Variants in MFSD11 observed in about 807,000 individuals in gnomAD.
The protein encoded by MFSD11 is UNC93-like protein MFSD11.
A neutral mutation model predicts 53.5 loss-of-function variants in MFSD11; 36 were observed. The ratio of observed to expected loss-of-function variants is 0.67; its 90% CI spans 0.52 to 0.89. The LOEUF (loss-of-function observed/expected upper bound fraction) is 0.89, where lower values mean the gene tolerates loss of function less well. MFSD11 is among the 40% of genes least tolerant of loss of function. MFSD11 has a pLI of 0.00. For missense variants in MFSD11, 530 were observed against 543.9 expected (o/e 0.97, Z 0.25); for synonymous variants, 186 against 184.9 (o/e 1.01, Z -0.05).
downstream of MFSD11, among the ~76,000 whole-genome samples, chr17:76,783,486 C>G (rs573108763): frequency 3.3e-5 from 5 of 152,292 alleles, no homozygotes; most frequent in African/African-American, 9.6e-5. Flanking sequence ...GCTGCCCACA[C>G]AGGATTTCTT....
chr17:76,786,612 A>G, the MFSD11 span, among the ~76,000 whole-genome samples: 1 of 152,190 alleles, frequency 6.6e-6, no homozygotes, highest in Admixed American at 6.5e-5. Flanking sequence ...CCGAGGAGTC[A>G]CACAGAACAC....
chr17:76,786,963 C>T, the MFSD11 span, among the ~76,000 whole-genome samples: 1 of 151,932 alleles, frequency 6.6e-6, no homozygotes, highest in East Asian at 1.9e-4. Context: ...TTTACAGGCC[C>T]ACCACCATGC....
chr17:76,752,407 T>C (rs1278327817), intron 7 of MFSD11, among the ~76,000 whole-genome samples: 1 of 151,964 alleles, frequency 6.6e-6, no homozygotes, highest in Non-Finnish European at 1.5e-5. Flanking sequence ...ATTTTTTTTT[T>C]TTTTTTTGAG....
chr17:76,799,955 CTTTTT>C, the MFSD11 span, among the ~76,000 whole-genome samples: 1 of 138,862 alleles, frequency 7.2e-6, no homozygotes. Flanking sequence ...TTTCTTTTTC[CTTTTT>C]TTTTTTTTTT....
intron 8 of MFSD11, among the ~76,000 whole-genome samples, chr17:76,761,701 T>TCG (rs1426387351): frequency 1.8e-4 from 27 of 151,188 alleles, no homozygotes; most frequent in African/African-American, 6.6e-4. Flanking sequence ...GGCGGGCGGA[T>TCG]CATGAGGTCA....
At chr17:76,759,744 AC>A in intron 8 of MFSD11, among the ~76,000 whole-genome samples, 1 of 121,576 alleles carries the variant, frequency 8.2e-6, no homozygotes. Context: ...GGTGTGAGCC[AC>A]CGTGACCGGC....
chr17:76,787,751 G>C, the MFSD11 span, among the ~76,000 whole-genome samples: 1 of 148,676 alleles, frequency 6.7e-6, no homozygotes, highest in South Asian at 2.2e-4. Context: ...GGATGCTAGA[G>C]AAACCTCAAA....
chr17:76,747,435 A>G (rs2078654908), intron 7 of MFSD11, among the ~76,000 whole-genome samples: 1 of 152,048 alleles, frequency 6.6e-6, no homozygotes, highest in African/African-American at 2.4e-5. Flanking sequence ...CCCAGGTTCA[A>G]GTGATTCTTC....
chr17:76,738,489 A>G lies in MFSD11; in HGVS notation c.96+41A>G, dbSNP rs750217111. The G allele has an allele frequency of 2.6e-5, 36 of 1,398,514 alleles. 1 individual carries two copies. The South Asian group carries it at 3.4e-4, about 13-fold the overall frequency. The allele number at this position is 1,398,514 out of a possible 1,614,324, so 86.6% of individuals were successfully genotyped here. A position where few individuals can be genotyped will look rare whatever the true frequency, so the allele number is the denominator to read the frequency against. ...TCCTCCCTCCTTTGAAGTGCCCATC[A>G]TAATGCAGTCCAGAAATGAAAATAA... On this transcript the variant is annotated intron_variant, in intron 1 of 12. Transcript: ENST00000685175.
At chr17:76,762,095 T>C (rs2080314570) in intron 8 of MFSD11, among the ~76,000 whole-genome samples, 1 of 152,132 alleles carries the variant, frequency 6.6e-6, no homozygotes, top group African/African-American at 2.4e-5. Flanking sequence ...AGCCTCCTAA[T>C]GCAACCTCCC....
At chr17:76,762,849 A>G (rs1259960754) in intron 8 of MFSD11, among the ~76,000 whole-genome samples, 1 of 151,908 alleles carries the variant, frequency 6.6e-6, no homozygotes, top group Non-Finnish European at 1.5e-5. Context: ...TAAACAAGCT[A>G]TTTAGATAAA....
Position 76,743,430 on chromosome 17 carries a change from C to T in MFSD11, c.470C>T (p.Ala157Val), listed in dbSNP as rs1248263395. Residue 157 changes from alanine to valine, a missense_variant, in exon 6 of 13, where the codon GCC (alanine) becomes GTC (valine). Transcript: ENST00000685175. ...LFFGNLYIYF[A>V]WQGKTQISES... is the part of the protein sequence containing the mutation. The stretch of plus-strand genomic sequence containing the variant: ...TTTGGAAATCTCTACATATATTTTG[C>T]CTGGCAAGGGAAAACTCAGATATCA... 6.3e-7 allele frequency: 1 copy of T among 1,582,434 alleles called. No individual in the cohort carries two copies. The highest frequency in any genetic ancestry group is 1.2e-5 in the South Asian group (1 of 83,582).
chr17:76,740,917 CTT>C (rs529882256), intron 2 of MFSD11, 38 bp from the exon 3 acceptor site: 19,700 of 863,696 alleles, frequency 0.023, no homozygotes, highest in South Asian at 0.03. Flanking sequence ...GGGCTTTGTT[CTT>C]TTTTTTTTTT....
the MFSD11 span, among the ~76,000 whole-genome samples, chr17:76,788,613 A>G: frequency 6.7e-6 from 1 of 149,420 alleles, no homozygotes; most frequent in Non-Finnish European, 1.5e-5. Flanking sequence ...GCACTTTGGG[A>G]GGCCGAGGCA....
downstream of MFSD11, among the ~76,000 whole-genome samples, chr17:76,782,931 C>T (rs1161861008): frequency 6.6e-6 from 1 of 151,838 alleles, no homozygotes; most frequent in African/African-American, 2.4e-5. Context: ...ATAATCATAG[C>T]ACTTTGGGAG....
intron 8 of MFSD11, chr17:76,754,333 G>A (rs915620561): frequency 6.9e-6 from 3 of 435,160 alleles, no homozygotes; most frequent in African/African-American, 6.0e-5. Flanking sequence ...AGGCTGCATA[G>A]CACTCAGGTT....
At position 76,769,805 on chromosome 17, in the gene MFSD11, T is replaced by C. The variant is rs772022956; in HGVS notation, c.808T>C (p.Phe270Leu). Residue 270 changes from phenylalanine (F) to leucine (L), a missense_variant, in exon 10 of 13, where the codon TTT becomes CTT. By Grantham distance (22) the Phe-to-Leu change is conservative. Coordinates refer to ENST00000685175, the MANE Select transcript of MFSD11 (RefSeq NM_001242532.5). Reference protein sequence around the residue: ...YGTCIGATNKFGAEEKSLIGL... With the variant: ...YGTCIGATNKLGAEEKSLIGL... ...AACCTGTATTGGTGCTACAAATAAA[T>C]TTGGAGCAGAAGAGAAAAGCCTTAT... The C allele has an allele frequency of 2.8e-5, 45 of 1,613,032 alleles. No homozygotes were observed. The highest frequency in any genetic ancestry group is 3.7e-5 in the Non-Finnish European group (44 of 1,179,602).
intron 8 of MFSD11, among the ~76,000 whole-genome samples, chr17:76,764,172 T>C (rs1047332649): frequency 6.6e-6 from 1 of 152,214 alleles, no homozygotes; most frequent in African/African-American, 2.4e-5. Context: ...TGTTTTGATA[T>C]ATGTATACAT....
At chr17:76,765,640 G>A (rs941857350) in intron 8 of MFSD11, among the ~76,000 whole-genome samples, 3 of 151,168 alleles carry the variant, frequency 2.0e-5, no homozygotes, top group African/African-American at 7.3e-5. Context: ...TTTTTGTAGT[G>A]TTTTGTAGAG....
Sources: gnomAD v4.1 joint callset for allele counts (sites outside exome capture counted in the v4.1 genomes callset) on GRCh38, gnomAD v4.1.1 for gene constraint, MANE v1.5 for transcripts, NCBI Gene and HGNC (gene_info 2026-07-23, HGNC 2026-07-21) for gene names.